Variants in ATP1B3 observed in about 807,000 individuals in gnomAD.
ATP1B3 encodes the protein ATPase Na+/K+ transporting subunit beta 3, also known as sodium/potassium-transporting ATPase subunit beta-3.
ATP1B3 carries 10 observed loss-of-function variants against 30.2 expected under a neutral mutation model. That is an observed-to-expected ratio of 0.33 (90% CI 0.20 to 0.56). The LOEUF (loss-of-function observed/expected upper bound fraction) is 0.56, where lower values mean the gene tolerates loss of function less well. Ranked by LOEUF, ATP1B3 falls within the 20% of genes least tolerant of loss-of-function variation. The pLI, the probability that ATP1B3 is intolerant of heterozygous loss-of-function variation, is 0.90. For synonymous variants in ATP1B3, 113 were observed against 117.0 expected (o/e 0.97, Z 0.22); for missense variants, 238 against 336.7 (o/e 0.71, Z 2.29).
intron 1 of ATP1B3, among the ~76,000 whole-genome samples, chr3:141,897,976 C>T (rs1934099365): frequency 6.6e-6 from 1 of 152,192 alleles, no homozygotes; most frequent in East Asian, 1.9e-4. Context: ...TCTCAAAGTG[C>T]TGGGATTATA....
intron 1 of ATP1B3, among the ~76,000 whole-genome samples, chr3:141,889,747 A>T (rs1205367282): frequency 1.3e-5 from 1 of 78,514 alleles, no homozygotes; most frequent in East Asian, 5.0e-4. Context: ...AAAAAAAAAA[A>T]AAAATATATA....
At position 141,889,750 on chromosome 3, in the gene ATP1B3, A is replaced by ATATAT. The variant is rs56393829; in HGVS notation, c.109+12840_109+12841insTATAT. ...TCTCAAAAAAAAAAAAAAAAAAAAA[A>ATATAT]ATATATACACACACACACACACACA... On this transcript the variant is annotated intron_variant, in intron 1 of 6. Transcript: ENST00000286371. Among the ~76,000 whole-genome samples, 103 of 79,070 alleles carry ATATAT rather than the reference A, an allele frequency of 1.3e-3. 3 individuals carry two copies. The highest frequency in any genetic ancestry group is 4.5e-3 in the African/African-American group (95 of 21,054). The allele number at this position is 79,070 out of a possible 152,430, so 51.9% of individuals were successfully genotyped here.
chr3:141,920,604 A>G (rs1337649446), intron 5 of ATP1B3, among the ~76,000 whole-genome samples: 2 of 152,126 alleles, frequency 1.3e-5, no homozygotes, highest in Non-Finnish European at 2.9e-5. Context: ...CCTTTTTTTC[A>G]TTTTGCGGAA....
intron 5 of ATP1B3, chr3:141,916,511 A>G (rs1384723291): frequency 1.8e-5 from 23 of 1,268,664 alleles, no homozygotes; most frequent in Non-Finnish European, 2.4e-5. Context: ...TTTTCATCTC[A>G]TAACTTTCTT....
Position 141,903,638 on chromosome 3 carries a change from A to G in ATP1B3, c.128A>G (p.Tyr43Cys), listed in dbSNP as rs1009357452. 5 of 1,613,850 alleles carry G rather than the reference A, an allele frequency of 3.1e-6. No individual in the cohort carries two copies. Among genetic ancestry groups the G allele is most frequent in the Non-Finnish European group, 3.4e-6 (4 of 1,179,868 alleles). ...TTTACAGGTTTGATCTTGCTCTTCT[A>G]CCTAGTTTTTTATGGGTTCCTGGCT... The part of the protein sequence containing the change: ...AKSWGLILLF[Y>C]LVFYGFLAAL... The change falls in exon 2 of 7, where the codon TAC (tyrosine) becomes TGC (cysteine). Residue 43 changes from tyrosine (Y) to cysteine (C), a missense_variant. Transcript: ENST00000286371.
At chr3:141,915,558 G>A (rs1205667824) in intron 4 of ATP1B3, among the ~76,000 whole-genome samples, 3 of 152,114 alleles carry the variant, frequency 2.0e-5, no homozygotes, top group South Asian at 2.1e-4. Context: ...ATGGAAACAC[G>A]GAGAGTGTGA....
intron 1 of ATP1B3, among the ~76,000 whole-genome samples, chr3:141,890,624 G>A (rs556392852): frequency 1.3e-5 from 2 of 150,124 alleles, no homozygotes; most frequent in South Asian, 2.1e-4. Flanking sequence ...TTTTAGTAGA[G>A]ACTGGGTTTT....
intron 4 of ATP1B3, 29 bp from the exon 5 acceptor site, chr3:141,915,941 T>G (rs751597693): frequency 2.3e-5 from 37 of 1,577,820 alleles, no homozygotes; most frequent in Non-Finnish European, 3.5e-6. Flanking sequence ...TACGTGAAGT[T>G]TAAATTTATC....
chr3:141,890,093 T>TTC (rs1242743110), intron 1 of ATP1B3, among the ~76,000 whole-genome samples: 1 of 59,912 alleles, frequency 1.7e-5, no homozygotes, highest in African/African-American at 6.5e-5. Flanking sequence ...TTTCTTTTTT[T>TTC]TTTTTTTTTT....
intron 1 of ATP1B3, among the ~76,000 whole-genome samples, chr3:141,896,651 ACTGT>A (rs979489365): frequency 1.1e-4 from 16 of 152,128 alleles, no homozygotes; most frequent in African/African-American, 3.6e-4. Context: ...CATTTTCATA[ACTGT>A]CTGGGTTCTT....
chr3:141,922,514 G>A (rs189389383), intron 6 of ATP1B3, among the ~76,000 whole-genome samples: 3 of 152,004 alleles, frequency 2.0e-5, no homozygotes, highest in Admixed American at 6.6e-5. Context: ...TTAGCTGGGC[G>A]TGGTGACATG....
intron 2 of ATP1B3, among the ~76,000 whole-genome samples, chr3:141,904,703 CT>C (rs35178202): frequency 0.038 from 3,441 of 89,396 alleles, 42 homozygotes; most frequent in African/African-American, 0.11. Flanking sequence ...TTTAAACAGT[CT>C]TTTTTTTTTT....
chr3:141,902,148 T>TTA (rs1238055146), intron 1 of ATP1B3: 1 of 1,289,642 alleles, frequency 7.8e-7, no homozygotes, highest in African/African-American at 1.5e-5. Context: ...TCGCAGTATG[T>TTA]GGTAGGGAAG....
intron 3 of ATP1B3, among the ~76,000 whole-genome samples, chr3:141,909,374 T>G (rs1934317192): frequency 6.6e-6 from 1 of 152,214 alleles, no homozygotes; most frequent in African/African-American, 2.4e-5. Flanking sequence ...ATTCCTGTCT[T>G]TCTGGAGCTT....
chr3:141,925,255 C>G (rs4683649), intron 6 of ATP1B3, among the ~76,000 whole-genome samples: 1 of 151,928 alleles, frequency 6.6e-6, no homozygotes, highest in Non-Finnish European at 1.5e-5. Context: ...CCATTTGAAG[C>G]GAGGAGTTTG....
At chr3:141,892,437 C>T (rs957312999) in intron 1 of ATP1B3, among the ~76,000 whole-genome samples, 7 of 151,884 alleles carry the variant, frequency 4.6e-5, no homozygotes, top group Non-Finnish European at 8.8e-5. Context: ...CTGATAATGT[C>T]CTTTATTATT....
intron 1 of ATP1B3, among the ~76,000 whole-genome samples, chr3:141,895,391 C>T (rs6801868): frequency 0.31 from 47,179 of 151,428 alleles, 8,964 homozygotes; most frequent in African/African-American, 0.54. Context: ...GGTTTCACCA[C>T]GTTGGCCAGG....
Position 141,903,703 on chromosome 3 carries a change from C to T in ATP1B3, c.193C>T (p.Leu65Phe). The change falls in exon 2 of 7, where the codon CTC becomes TTC. Residue 65 changes from leucine (L) to phenylalanine (F), a missense_variant. By Grantham distance (22) the Leu-to-Phe change is conservative. Transcript: ENST00000286371. The part of the protein sequence containing the change: ...SFTMWVMLQT[L>F]NDEVPKYRDQ... ...CACGATGTGGGTTATGCTTCAGACTCTCAACGATGAGGTTCCAAAATACCG... is the reference window on the plus strand; with the variant it reads ...CACGATGTGGGTTATGCTTCAGACTTTCAACGATGAGGTTCCAAAATACCG... 6.2e-7 allele frequency: 1 copy of T among 1,614,142 alleles called. No individual in the cohort carries two copies. The highest frequency in any genetic ancestry group is 8.5e-7 in the Non-Finnish European group (1 of 1,180,000).
intron 1 of ATP1B3, among the ~76,000 whole-genome samples, chr3:141,880,320 A>G (rs1179353108): frequency 6.6e-6 from 1 of 152,342 alleles, no homozygotes; most frequent in East Asian, 1.9e-4. Context: ...TTATATACAC[A>G]TAAGTTACTT....
Sources: gnomAD v4.1 joint callset for allele counts (sites outside exome capture counted in the v4.1 genomes callset) on GRCh38, gnomAD v4.1.1 for gene constraint, MANE v1.5 for transcripts, NCBI Gene and HGNC (gene_info 2026-07-23, HGNC 2026-07-21) for gene names.